NHS: variants seen among roughly 807,000 people sequenced by gnomAD.
The protein encoded by NHS is NHS actin remodeling regulator, also known as actin remodeling regulator NHS.
NHS carries 5 observed loss-of-function variants against 72.5 expected under a neutral mutation model. That is an observed-to-expected ratio of 0.07 (90% CI 0.04 to 0.14). The LOEUF (loss-of-function observed/expected upper bound fraction) is 0.14. Ranked by LOEUF, NHS falls within the 10% of genes least tolerant of loss-of-function variation. The pLI is 1.00. For synonymous variants in NHS, 464 were observed against 547.7 expected, an observed-to-expected ratio of 0.85 and a Z score of 2.13; for missense variants, 1,072 against 1,355.7, an observed-to-expected ratio of 0.79 and a Z score of 3.29.
At chrX:17,645,137 C>A (rs2065900378) in intron 1 of NHS, among the ~76,000 whole-genome samples, 1 of 112,027 alleles carries the variant, frequency 8.9e-6, no homozygotes, top group Non-Finnish European at 1.9e-5. Flanking sequence ...CTCCATCAAT[C>A]TACTACTCTT....
At chrX:17,604,676 A>G (rs944219986) in intron 1 of NHS, among the ~76,000 whole-genome samples, 6 of 112,157 alleles carry the variant, frequency 5.3e-5, no homozygotes, top group Non-Finnish European at 1.1e-4. Context: ...GGTCACCATC[A>G]TCAGCATGTA....
At chrX:17,641,087 C>T (rs183147761) in intron 1 of NHS, among the ~76,000 whole-genome samples, 65 of 112,441 alleles carry the variant, frequency 5.8e-4, no homozygotes, top group African/African-American at 1.9e-3. Flanking sequence ...TTCCCTCTCT[C>T]CACTGAGTTT....
intron 1 of NHS, among the ~76,000 whole-genome samples, chrX:17,522,719 A>T (rs1389890812): frequency 9.0e-6 from 1 of 110,701 alleles, no homozygotes; most frequent in East Asian, 2.9e-4. Flanking sequence ...AGAGACCCCG[A>T]ATGTTAATTT....
intron 1 of NHS, among the ~76,000 whole-genome samples, chrX:17,626,889 A>G (rs1309920927): frequency 1.8e-5 from 2 of 112,141 alleles, no homozygotes; most frequent in African/African-American, 3.2e-5. Context: ...TGAATACAGG[A>G]AAATGAAAAG....
At chrX:17,532,574 A>C (rs2065203703) in intron 1 of NHS, among the ~76,000 whole-genome samples, 1 of 111,818 alleles carries the variant, frequency 8.9e-6, no homozygotes, top group Admixed American at 9.5e-5. Context: ...AAATTCAGAG[A>C]GCCTGAGACG....
intron 1 of NHS, among the ~76,000 whole-genome samples, chrX:17,452,706 T>C (rs769709389): frequency 1.8e-5 from 2 of 111,865 alleles, no homozygotes; most frequent in South Asian, 7.5e-4. Flanking sequence ...AGCCACATCA[T>C]TGGCTGCTTA....
intron 1 of NHS, among the ~76,000 whole-genome samples, chrX:17,400,390 A>G (rs192134082): frequency 9.0e-6 from 1 of 111,648 alleles, no homozygotes; most frequent in East Asian, 2.8e-4. Flanking sequence ...TTTCGAGACC[A>G]GCCTGGCCAA....
intron 1 of NHS, among the ~76,000 whole-genome samples, chrX:17,674,113 G>A (rs1171488500): frequency 8.9e-6 from 1 of 112,044 alleles, no homozygotes; most frequent in African/African-American, 3.3e-5. Flanking sequence ...CCAGACCCAA[G>A]TGTGATTAGC....
intron 1 of NHS, among the ~76,000 whole-genome samples, chrX:17,678,272 GT>G (rs1287116112): frequency 9.9e-6 from 1 of 100,958 alleles, no homozygotes; most frequent in African/African-American, 4.1e-5. Context: ...ATGACTGTGG[GT>G]GTGTGTGTGT....
intron 1 of NHS, among the ~76,000 whole-genome samples, chrX:17,542,689 CAGAGAG>C (rs746365760): frequency 9.5e-6 from 1 of 105,202 alleles, no homozygotes. Context: ...GTCCTGAATC[CAGAGAG>C]AGAGAGAGAG....
chrX:17,429,257 T>TGCGC (rs1555987967), intron 1 of NHS, among the ~76,000 whole-genome samples: 50 of 106,562 alleles, frequency 4.7e-4, no homozygotes, highest in African/African-American at 1.2e-3. Flanking sequence ...TGTGTGTGTG[T>TGCGC]GCACACGTGC....
At chrX:17,679,557 G>A (rs1381517640) in intron 1 of NHS, among the ~76,000 whole-genome samples, 1 of 111,114 alleles carries the variant, frequency 9.0e-6, no homozygotes, top group Non-Finnish European at 1.9e-5. Context: ...AATGAGAGGT[G>A]GGAAACAGTG....
chrX:17,515,860 G>A (rs994940150), intron 1 of NHS, among the ~76,000 whole-genome samples: 4 of 111,589 alleles, frequency 3.6e-5, no homozygotes, highest in Non-Finnish European at 7.5e-5. Context: ...AACTCAGGCA[G>A]TCTGGGTTCT....
chrX:17,730,732 C>T (rs756584458), intron 8 of NHS, among the ~76,000 whole-genome samples: 1 of 112,187 alleles, frequency 8.9e-6, no homozygotes, highest in South Asian at 3.7e-4. Flanking sequence ...GCAGGGTTTA[C>T]TTATTTATCT....
chrX:17,615,390 C>G (rs1382237685), intron 1 of NHS, among the ~76,000 whole-genome samples: 1 of 105,528 alleles, frequency 9.5e-6, no homozygotes, highest in Non-Finnish European at 1.9e-5. Flanking sequence ...GTAGCTGGGA[C>G]TACAGGTGCA....
rs1430538030 is a variant in NHS at position 17,727,414 on chromosome X, A to G, written c.3308A>G (p.His1103Arg). 1 of 1,209,481 alleles carries G rather than the reference A, an allele frequency of 8.3e-7. No homozygotes were observed. The highest frequency in any genetic ancestry group is 1.1e-6 in the Non-Finnish European group (1 of 894,991). Reference sequence around the variant, plus strand: ...CATAATGTCTTGAACAAACCATTCCACCACCGTCATCCACTGCATGTTTTT... The same window carrying G: ...CATAATGTCTTGAACAAACCATTCCGCCACCGTCATCCACTGCATGTTTTT... ...ALHNVLNKPF[H>R]HRHPLHVFTH... Residue 1103 changes from histidine (H) to arginine (R), a missense_variant, in exon 7 of 9, where the codon CAC becomes CGC. Physicochemically the swap from His to Arg is conservative, Grantham distance 29. Transcript: ENST00000676302.
intron 1 of NHS, among the ~76,000 whole-genome samples, chrX:17,664,830 C>G (rs1294778555): frequency 5.4e-5 from 6 of 110,990 alleles, no homozygotes; most frequent in African/African-American, 2.0e-4. Flanking sequence ...ATCTTCAGGC[C>G]CTGGATATGC....
chrX:17,489,782 C>T (rs1434449455), intron 1 of NHS, among the ~76,000 whole-genome samples: 2 of 112,135 alleles, frequency 1.8e-5, no homozygotes, highest in East Asian at 2.8e-4. Context: ...CCACAGCGCC[C>T]GGCTCTGTTG....
chrX:17,467,653 A>G (rs2064875995), intron 1 of NHS, among the ~76,000 whole-genome samples: 1 of 112,230 alleles, frequency 8.9e-6, no homozygotes, highest in Admixed American at 9.4e-5. Context: ...TTACCATTGC[A>G]CTAATTAATT....
Sources: gnomAD v4.1 joint callset for allele counts (sites outside exome capture counted in the v4.1 genomes callset) on GRCh38, gnomAD v4.1.1 for gene constraint, MANE v1.5 for transcripts, NCBI Gene and HGNC (gene_info 2026-07-23, HGNC 2026-07-21) for gene names.